The following COMMD1 variants were observed in gnomAD, a reference collection of about 807,000 sequenced individuals.
COMMD1 encodes the protein copper metabolism domain containing 1, also known as COMM domain-containing protein 1.
Under a neutral mutation model 17.2 loss-of-function variants are expected in COMMD1, and 10 were observed. The ratio of observed to expected loss-of-function variants is 0.58; its 90% CI spans 0.36 to 0.99. The LOEUF is 0.99. COMMD1 is among the 50% of genes least tolerant of loss of function. The pLI, the probability that COMMD1 is intolerant of heterozygous loss-of-function variation, is 0.01. For synonymous variants in COMMD1, 97 were observed against 91.6 expected (o/e 1.06, Z -0.34); for missense variants, 270 against 231.8 (o/e 1.17, Z -1.07).
chr2:61,932,029 C>G (rs1282979234), intron 1 of COMMD1, among the ~76,000 whole-genome samples: 2 of 152,196 alleles, frequency 1.3e-5, no homozygotes, highest in African/African-American at 4.8e-5. Flanking sequence ...GGGTCTTGCT[C>G]TCTCACCAAG....
chr2:61,940,958 G>C (rs1323583645), intron 1 of COMMD1, among the ~76,000 whole-genome samples: 1 of 151,980 alleles, frequency 6.6e-6, no homozygotes, highest in East Asian at 1.9e-4. Context: ...AAAGTGCTGA[G>C]ATTACAGGCG....
intron 2 of COMMD1, among the ~76,000 whole-genome samples, chr2:62,088,343 T>G (rs1671726822): frequency 6.6e-6 from 1 of 152,140 alleles, no homozygotes; most frequent in African/African-American, 2.4e-5. Context: ...TCTCAAAAAC[T>G]CAGATCTACA....
Position 61,968,847 on chromosome 2 carries a change from C to T in COMMD1, c.181-31854C>T, listed in dbSNP as rs546102449. 60 of 197,322 alleles carry T rather than the reference C, an allele frequency of 3.0e-4. 1 individual carries two copies. Among genetic ancestry groups the T allele is most frequent in the Admixed American group, 5.2e-4 (10 of 19,278 alleles). 12.2% of individuals were successfully genotyped at this position (197,322 alleles called of 1,614,324 possible). A position where few individuals can be genotyped will look rare whatever the true frequency, so the allele number is the denominator to read the frequency against. ...TGCTGGGATTACAGGCATGAACCACCGTGCCTGGCCTCAGTTTTTACTTAA... is the reference window on the plus strand; with the variant it reads ...TGCTGGGATTACAGGCATGAACCACTGTGCCTGGCCTCAGTTTTTACTTAA... On this transcript the variant is annotated intron_variant, in intron 1 of 2. Transcript: ENST00000311832.
Position 62,068,649 on chromosome 2 carries a change from G to A in COMMD1, c.463-67182G>A, listed in dbSNP as rs190683632. Reference sequence around the variant, plus strand: ...TTTTTTTTTTTTTTTTTTTTTGACCGAGTCTCACTCTGTCTCCCAAGCTGG... The same window carrying A: ...TTTTTTTTTTTTTTTTTTTTTGACCAAGTCTCACTCTGTCTCCCAAGCTGG... On this transcript the variant is annotated intron_variant, in intron 2 of 2. Coordinates refer to ENST00000311832, the MANE Select transcript of COMMD1 (RefSeq NM_152516.4). Among the ~76,000 whole-genome samples, 457 of 119,810 alleles carry A rather than the reference G, an allele frequency of 3.8e-3. 4 individuals are homozygous for A. The highest frequency in any genetic ancestry group is 0.014 in the African/African-American group (423 of 31,144). The allele number at this position is 119,810 out of a possible 152,430, so 78.6% of individuals were successfully genotyped here. A position where few individuals can be genotyped will look rare whatever the true frequency, so the allele number is the denominator to read the frequency against.
intron 1 of COMMD1, among the ~76,000 whole-genome samples, chr2:61,980,540 A>G (rs1317648016): frequency 7.4e-6 from 1 of 134,604 alleles, no homozygotes; most frequent in Non-Finnish European, 1.6e-5. Context: ...AGCTGCATAA[A>G]TGTCTTCTTT....
chr2:62,007,063 GATTT>G (rs1669141637), intron 2 of COMMD1, among the ~76,000 whole-genome samples: 1 of 152,150 alleles, frequency 6.6e-6, no homozygotes, highest in Non-Finnish European at 1.5e-5. Context: ...CTTGCACATA[GATTT>G]TAAGATGCCC....
At chr2:62,034,226 G>GC (rs1260158173) in intron 2 of COMMD1, among the ~76,000 whole-genome samples, 1 of 152,136 alleles carries the variant, frequency 6.6e-6, no homozygotes, top group Non-Finnish European at 1.5e-5. Flanking sequence ...CACTTGGCCG[G>GC]GCATGGTGGC....
At chr2:62,092,352 G>A (rs576172042) in intron 2 of COMMD1, among the ~76,000 whole-genome samples, 14 of 152,316 alleles carry the variant, frequency 9.2e-5, no homozygotes, top group African/African-American at 1.4e-4. Context: ...CTGGTCCAGC[G>A]TCTCTGGAAG....
intron 2 of COMMD1, among the ~76,000 whole-genome samples, chr2:62,017,152 C>T (rs1421555482): frequency 6.6e-6 from 1 of 152,094 alleles, no homozygotes; most frequent in East Asian, 1.9e-4. Context: ...AGTTATTAAC[C>T]TAAGTGGATT....
At chr2:61,898,971 A>C (rs1669605629) in intron 1 of COMMD1, among the ~76,000 whole-genome samples, 1 of 152,186 alleles carries the variant, frequency 6.6e-6, no homozygotes, top group Non-Finnish European at 1.5e-5. Context: ...GCTGCTACCA[A>C]GTTTCAACAG....
chr2:61,967,393 A>T (rs770810232), intron 1 of COMMD1, among the ~76,000 whole-genome samples: 11 of 152,216 alleles, frequency 7.2e-5, no homozygotes, highest in Non-Finnish European at 1.0e-4. Context: ...TAATTACCTC[A>T]TGGTGGACTG....
chr2:62,117,219 G>A (rs557160645), intron 2 of COMMD1, among the ~76,000 whole-genome samples: 3 of 152,096 alleles, frequency 2.0e-5, no homozygotes, highest in South Asian at 2.1e-4. Context: ...TAACTCAGCC[G>A]GGCTGCTGCC....
At chr2:61,957,353 C>T (rs957079046) in intron 1 of COMMD1, among the ~76,000 whole-genome samples, 2 of 151,958 alleles carry the variant, frequency 1.3e-5, no homozygotes, top group Admixed American at 1.3e-4. Context: ...CTTCCTGTAC[C>T]CCATCAATTC....
chr2:62,046,569 C>T (rs996777006), intron 2 of COMMD1, among the ~76,000 whole-genome samples: 4 of 150,844 alleles, frequency 2.7e-5, no homozygotes, highest in African/African-American at 5.0e-5. Context: ...TAGAGTAGAA[C>T]GTACGATGAA....
chr2:62,077,182 A>C (rs1454639275), intron 2 of COMMD1, among the ~76,000 whole-genome samples: 1 of 152,194 alleles, frequency 6.6e-6, no homozygotes, highest in Non-Finnish European at 1.5e-5. Context: ...AGTCAAATGG[A>C]AAGTGTTCAG....
chr2:61,891,116 A>C (rs1029300207), intron 1 of COMMD1, among the ~76,000 whole-genome samples: 9 of 152,188 alleles, frequency 5.9e-5, no homozygotes, highest in Non-Finnish European at 8.8e-5. Context: ...CATTTTCCTC[A>C]TCTGTAAAAT....
intron 2 of COMMD1, among the ~76,000 whole-genome samples, chr2:62,084,449 A>G (rs187554766): frequency 6.6e-6 from 1 of 152,286 alleles, no homozygotes; most frequent in African/African-American, 2.4e-5. Context: ...CTAGAAGTAG[A>G]TCCTCATAAA....
chr2:61,923,283 T>A (rs1444023548), intron 1 of COMMD1, among the ~76,000 whole-genome samples: 1 of 152,176 alleles, frequency 6.6e-6, no homozygotes, highest in Non-Finnish European at 1.5e-5. Context: ...TGATGCAGAA[T>A]TGTAATCCTT....
intron 1 of COMMD1, among the ~76,000 whole-genome samples, chr2:61,937,342 C>T (rs1205901249): frequency 6.6e-6 from 1 of 152,068 alleles, no homozygotes; most frequent in Non-Finnish European, 1.5e-5. Flanking sequence ...TTCGAATTTT[C>T]CCCCTTTTGT....
Sources: gnomAD v4.1 joint callset for allele counts (sites outside exome capture counted in the v4.1 genomes callset) on GRCh38, gnomAD v4.1.1 for gene constraint, MANE v1.5 for transcripts, NCBI Gene and HGNC (gene_info 2026-07-23, HGNC 2026-07-21) for gene names.